The following GCKR variants were observed in gnomAD, a reference collection of about 807,000 sequenced individuals.
The protein encoded by GCKR is glucokinase regulatory protein.
GCKR carries 73 observed loss-of-function variants against 82.9 expected under a neutral mutation model. The ratio of observed to expected loss-of-function variants is 0.88; its 90% CI spans 0.73 to 1.07. GCKR has a LOEUF of 1.07. Ranked by LOEUF, GCKR falls within the 50% of genes least tolerant of loss-of-function variation. The probability of loss-of-function intolerance (pLI) is 0.00; values close to 1 mark genes in which losing one functional copy is unlikely to be tolerated. For synonymous variants in GCKR, 294 were observed against 291.8 expected (o/e 1.01, Z -0.08); for missense variants, 784 against 782.1 (o/e 1.00, Z -0.03).
In GCKR at chr2:27,506,556, C is replaced by G; in HGVS notation, c.945C>G (p.Thr315=). ...VTYSQSPKIA[T]LMKSVSTSLE... Reference sequence around the variant, plus strand: ...ACAGCCAAAGCCCCAAGATTGCCACCCTGATGAAGAGTGTCAGCACCAGGT... The same window carrying G: ...ACAGCCAAAGCCCCAAGATTGCCACGCTGATGAAGAGTGTCAGCACCAGGT... The change falls in exon 11 of 19, where the codon ACC becomes ACG. Residue 315 remains threonine (T), a synonymous_variant. Transcript: ENST00000264717. 6.2e-7 allele frequency: 1 copy of G among 1,611,412 alleles called. No individual in the cohort carries two copies. Among genetic ancestry groups the G allele is most frequent in the Non-Finnish European group, 8.5e-7 (1 of 1,177,604 alleles).
At position 27,497,251 on chromosome 2, in the gene GCKR, G is replaced by C. The variant is rs1351275223; in HGVS notation, c.68G>C (p.Gly23Ala). ...TPEPGKWELS[G>A]YEAAVPITEK... is the part of the protein sequence containing the mutation. The stretch of plus-strand genomic sequence containing the variant: ...GTCCCCTCTTCCTTCTAGTTGTCTG[G>C]GTACGAGGCAGCTGTGCCAATCACG... The change falls in exon 2 of 19, where the codon GGG becomes GCG. Residue 23 changes from glycine (G) to alanine (A), a missense_variant. Gly to Ala is a moderately conservative substitution (Grantham distance 60, BLOSUM62 0). Coordinates refer to ENST00000264717, the MANE Select transcript of GCKR (RefSeq NM_001486.4). The C allele has an allele frequency of 6.2e-7, 1 of 1,614,128 alleles. No individual in the cohort carries two copies. The highest frequency in any genetic ancestry group is 1.1e-5 in the South Asian group (1 of 91,080).
Position 27,518,916 on chromosome 2 carries a change from G to T in GCKR, c.1551G>T (p.Trp517Cys), listed in dbSNP as rs146285804. Residue 517 changes from tryptophan to cysteine, a missense_variant, in exon 17 of 19, where the codon TGG (tryptophan) becomes TGT (cysteine). By Grantham distance (215) the Trp-to-Cys change is radical. Coordinates refer to ENST00000264717, the MANE Select transcript of GCKR (RefSeq NM_001486.4). Reference protein sequence around the residue: ...DLRISNSKLFWRALAMLQRFS... With the variant: ...DLRISNSKLFCRALAMLQRFS... ...GGATTAGCAACTCCAAGCTCTTCTG[G>T]CGGGCGCTGGCCATGCTGCAGGTAG... The T allele has an allele frequency of 4.8e-5, 77 of 1,613,536 alleles. No homozygotes were observed. In the East Asian group the frequency reaches 1.6e-3, roughly 33 times the overall value.
chr2:27,514,381 G>A (rs929506495), intron 16 of GCKR, among the ~76,000 whole-genome samples: 19 of 151,502 alleles, frequency 1.3e-4, no homozygotes, highest in African/African-American at 3.9e-4. Context: ...TATATCTGCC[G>A]TCTCATTCCA....
intron 16 of GCKR, among the ~76,000 whole-genome samples, chr2:27,511,236 C>G (rs554876349): frequency 1.3e-5 from 2 of 151,570 alleles, no homozygotes; most frequent in African/African-American, 2.4e-5. Flanking sequence ...CCATGTTGGC[C>G]GGGCTGGTCT....
chr2:27,509,188 TC>T (rs1669820861), intron 16 of GCKR, among the ~76,000 whole-genome samples: 4 of 152,082 alleles, frequency 2.6e-5, no homozygotes, highest in African/African-American at 9.7e-5. Flanking sequence ...AGAGATGTGG[TC>T]TCTTATTCGT....
intron 16 of GCKR, among the ~76,000 whole-genome samples, chr2:27,517,864 A>G (rs975509207): frequency 6.6e-6 from 1 of 152,184 alleles, no homozygotes; most frequent in Non-Finnish European, 1.5e-5. Context: ...CAAAGTAGGA[A>G]ATGCCCTCAT....
At chr2:27,507,203 C>G (rs777512119) in intron 12 of GCKR, 32 bp from the exon 13 acceptor site, 3 of 1,446,944 alleles carry the variant, frequency 2.1e-6, no homozygotes, top group Non-Finnish European at 2.9e-6. Flanking sequence ...TATAGCCAAT[C>G]ACTCCTCTCT....
At chr2:27,515,260 G>A (rs1669976368) in intron 16 of GCKR, among the ~76,000 whole-genome samples, 1 of 151,154 alleles carries the variant, frequency 6.6e-6, no homozygotes, top group African/African-American at 2.4e-5. Context: ...ACAGGCGTGA[G>A]CCACCACGCC....
At chr2:27,505,140 A>G (rs1424296704) in intron 9 of GCKR, among the ~76,000 whole-genome samples, 1 of 146,922 alleles carries the variant, frequency 6.8e-6, no homozygotes, top group African/African-American at 2.5e-5. Flanking sequence ...AAAAAAAAAA[A>G]AAAAAAAGCA....
intron 4 of GCKR, 148 bp downstream of exon 4, chr2:27,498,471 A>G (rs957690269): frequency 2.9e-6 from 2 of 688,148 alleles, no homozygotes; most frequent in Admixed American, 4.6e-5. Context: ...CAAAAGCTAG[A>G]TGTCACCATG....
intron 16 of GCKR, 89 bp downstream of exon 16, chr2:27,508,340 A>G (rs1017915463): frequency 1.1e-6 from 1 of 921,916 alleles, no homozygotes; most frequent in Non-Finnish European, 1.8e-6. Flanking sequence ...TGTAGGGCAG[A>G]AAGTTTGGAG....
At chr2:27,519,776 A>G (rs573479786) in intron 17 of GCKR, among the ~76,000 whole-genome samples, 6 of 152,200 alleles carry the variant, frequency 3.9e-5, no homozygotes, top group Non-Finnish European at 8.8e-5. Context: ...CCCTGAAGCA[A>G]TCACTGTTCT....
intron 17 of GCKR, 108 bp from the exon 18 acceptor site, chr2:27,522,352 G>A: frequency 9.1e-7 from 1 of 1,094,978 alleles, no homozygotes; most frequent in South Asian, 1.3e-5. Flanking sequence ...CTATAGCCAG[G>A]CCTCGGGATC....
At chr2:27,507,021 G>A (rs1266358251) in intron 12 of GCKR, 136 bp downstream of exon 12, 3 of 783,426 alleles carry the variant, frequency 3.8e-6, no homozygotes, top group Non-Finnish European at 4.6e-6. Context: ...AGGCACTTCA[G>A]TCAAATTCTT....
At position 27,507,861 on chromosome 2, in the gene GCKR, G is replaced by C. The variant is rs557660645; in HGVS notation, c.1240+84G>C. 1.1e-5 allele frequency: 12 copies of C among 1,140,040 alleles called. No individual in the cohort carries two copies. The African/African-American group carries it at 1.7e-4, about 16-fold the overall frequency. 70.6% of individuals were successfully genotyped at this position (1,140,040 alleles called of 1,614,324 possible). A position where few individuals can be genotyped will look rare whatever the true frequency, so the allele number is the denominator to read the frequency against. On this transcript the variant is annotated intron_variant, in intron 14 of 18. Transcript: ENST00000264717. ...GAGCTGTTGTTTTTCTGGGTCTTAG[G>C]GTACCTGCTCAGAGGGAGGGACGGG...
intron 16 of GCKR, among the ~76,000 whole-genome samples, chr2:27,515,307 AT>A (rs368341609): frequency 6.7e-6 from 1 of 149,972 alleles, no homozygotes; most frequent in East Asian, 2.0e-4. Context: ...ACAGGGTCTC[AT>A]TCTGTCACCT....
chr2:27,502,751 G>A (rs1412259052), intron 8 of GCKR, among the ~76,000 whole-genome samples: 2 of 152,150 alleles, frequency 1.3e-5, no homozygotes, highest in Non-Finnish European at 2.9e-5. Flanking sequence ...GTTCAAGAAG[G>A]GAGGGAACCT....
chr2:27,522,671 G>GA, intron 18 of GCKR, 77 bp downstream of exon 18: 1 of 1,278,496 alleles, frequency 7.8e-7, no homozygotes, highest in Non-Finnish European at 1.1e-6. Flanking sequence ...GTTCGGCACT[G>GA]GGTTTACAAA....
intron 6 of GCKR, 87 bp from the exon 7 acceptor site, chr2:27,499,310 C>A (rs1669512396): frequency 7.4e-7 from 1 of 1,350,074 alleles, no homozygotes; most frequent in Admixed American, 1.7e-5. Flanking sequence ...CCTCCCTCCC[C>A]TGTTCCTGGC....
Sources: allele counts gnomAD v4.1 joint callset (sites outside exome capture counted in the v4.1 genomes callset), GRCh38; gene constraint gnomAD v4.1.1; transcripts MANE v1.5; gene names NCBI Gene and HGNC (gene_info 2026-07-23, HGNC 2026-07-21).